Variants in SLCO1B3 observed in about 807,000 individuals in gnomAD.
SLCO1B3 encodes the protein liver-specific organic anion transporter 2.
SLCO1B3 carries 72 observed loss-of-function variants against 71.8 expected under a neutral mutation model. The observed-to-expected ratio is 1.00, with a 90% CI of 0.83 to 1.22. SLCO1B3 has a LOEUF of 1.22. Ranked by LOEUF, SLCO1B3 falls within the 50% of genes most tolerant of loss-of-function variation. The pLI is 0.00. For synonymous variants in SLCO1B3, 298 were observed against 278.4 expected, an observed-to-expected ratio of 1.07 and a Z score of -0.70; for missense variants, 911 against 819.7, an observed-to-expected ratio of 1.11 and a Z score of -1.36.
chr12:20,913,578 G>C (rs1364805044), intron 15 of SLCO1B3, among the ~76,000 whole-genome samples: 1 of 152,044 alleles, frequency 6.6e-6, no homozygotes, highest in African/African-American at 2.4e-5. Context: ...TTGCTTTGAA[G>C]TCTGCTCTGT....
chr12:20,874,149 A>G (rs1309820008), intron 8 of SLCO1B3, among the ~76,000 whole-genome samples: 3 of 152,114 alleles, frequency 2.0e-5, no homozygotes, highest in Admixed American at 2.0e-4. Flanking sequence ...ATCAAATGGC[A>G]TTTCTGGTTC....
Position 20,862,459 on chromosome 12 carries a change from G to C in SLCO1B3, c.529G>C (p.Gly177Arg). The stretch of plus-strand genomic sequence containing the variant: ...ACACATGTGGATCTATGTCTTCATG[G>C]GGAATATGCTTCGTGGCATAGGGGA... The part of the protein sequence containing the change: ...GSHMWIYVFM[G>R]NMLRGIGETP... The change falls in exon 7 of 16, where the codon GGG (glycine) becomes CGG (arginine). Residue 177 changes from glycine (G) to arginine (R), a missense_variant. By Grantham distance (125) the Gly-to-Arg change is moderately radical. Coordinates refer to ENST00000381545, the MANE Select transcript of SLCO1B3 (RefSeq NM_019844.4). The C allele has an allele frequency of 6.2e-7, 1 of 1,613,096 alleles. No individual in the cohort carries two copies. Among genetic ancestry groups the C allele is most frequent in the Non-Finnish European group, 8.5e-7 (1 of 1,179,370 alleles).
At chr12:20,885,153 C>G (rs1865769334) in intron 13 of SLCO1B3, among the ~76,000 whole-genome samples, 1 of 152,154 alleles carries the variant, frequency 6.6e-6, no homozygotes, top group Non-Finnish European at 1.5e-5. Flanking sequence ...AACATTACCA[C>G]TTATCAGAGC....
chr12:20,832,214 C>T (rs140938918), intron 3 of SLCO1B3, among the ~76,000 whole-genome samples: 6 of 152,256 alleles, frequency 3.9e-5, no homozygotes, highest in Non-Finnish European at 7.4e-5. Context: ...CGTGCATGTG[C>T]GCACACTAAT....
chr12:20,847,265 G>C (rs1864938006), intron 3 of SLCO1B3, among the ~76,000 whole-genome samples: 1 of 152,076 alleles, frequency 6.6e-6, no homozygotes, highest in African/African-American at 2.4e-5. Context: ...AAGAGTTATG[G>C]ACTGAATATT....
Position 20,875,317 on chromosome 12 carries a change from T to G in SLCO1B3, c.810T>G (p.Ile270Met). 6.2e-7 allele frequency: 1 copy of G among 1,613,598 alleles called. No individual in the cohort carries two copies. ...TCCTTGTGTCTGGACTATTTTCCAT[T>G]ATTTCTTCCATACCATTTTTTTTCT... is the stretch of plus-strand genomic sequence containing the variant. The part of the protein sequence containing the change: ...LGFLVSGLFS[I>M]ISSIPFFFLP... The change falls in exon 9 of 16, where the codon ATT becomes ATG. Residue 270 changes from isoleucine to methionine, a missense_variant. Transcript: ENST00000381545.
chr12:20,915,222 T>C (rs1405799800), intron 15 of SLCO1B3, among the ~76,000 whole-genome samples: 1 of 152,140 alleles, frequency 6.6e-6, no homozygotes, highest in East Asian at 1.9e-4. Context: ...TTTATTGATA[T>C]AAACTTAGAG....
At chr12:20,870,807 T>A (rs1865460631) in intron 8 of SLCO1B3, among the ~76,000 whole-genome samples, 1 of 152,210 alleles carries the variant, frequency 6.6e-6, no homozygotes, top group Non-Finnish European at 1.5e-5. Context: ...TGAGGTCATT[T>A]GTTGGTTTCA....
chr12:20,888,015 T>C (rs1161703907), intron 13 of SLCO1B3, among the ~76,000 whole-genome samples: 1 of 152,094 alleles, frequency 6.6e-6, no homozygotes, highest in Non-Finnish European at 1.5e-5. Flanking sequence ...TTTGTTACTT[T>C]GTCAAAAATC....
Position 20,858,569 on chromosome 12 carries a change from A to G in SLCO1B3, c.357A>G (p.Gly119=). 6.2e-7 allele frequency: 1 copy of G among 1,606,264 alleles called. No individual in the cohort carries two copies. Among genetic ancestry groups the G allele is most frequent in the Non-Finnish European group, 8.5e-7 (1 of 1,173,542 alleles). The stretch of plus-strand genomic sequence containing the variant: ...CATCTTTACCACATTTCTTCATGGG[A>G]TAGTAAGTGTTAAACAGCTCTGAGC... The part of the protein sequence containing the change: ...ILTSLPHFFM[G]YYRYSKETHI... The change falls in exon 5 of 16, where the codon GGA becomes GGG. Residue 119 remains glycine (G), a splice_region_variant and synonymous_variant. Transcript: ENST00000381545.
At position 20,861,099 on chromosome 12, in the gene SLCO1B3, T is replaced by G; in HGVS notation, c.442T>G (p.Leu148Val). Residue 148 changes from leucine to valine, a missense_variant, in exon 6 of 16, where the codon TTA becomes GTA. Physicochemically the swap from Leu to Val is conservative, Grantham distance 32. Transcript: ENST00000381545. ...SLSTCLINQT[L>V]SFNGTSPEIV... Reference sequence around the variant, plus strand: ...ATCAACCTGTTTAATTAATCAAACCTTATCATTCAATGGAACATCACCTGA... The same window carrying G: ...ATCAACCTGTTTAATTAATCAAACCGTATCATTCAATGGAACATCACCTGA... 6.2e-7 allele frequency: 1 copy of G among 1,601,536 alleles called. No individual in the cohort carries two copies. Among genetic ancestry groups the G allele is most frequent in the Non-Finnish European group, 8.5e-7 (1 of 1,173,676 alleles).
intron 8 of SLCO1B3, among the ~76,000 whole-genome samples, chr12:20,864,497 A>G (rs1044253175): frequency 6.6e-6 from 1 of 152,222 alleles, no homozygotes; most frequent in South Asian, 2.1e-4. Flanking sequence ...AGTGTTTTCT[A>G]TTATAAAACT....
At position 20,820,423 on chromosome 12, in the gene SLCO1B3, C is replaced by T. The variant is rs370929281; in HGVS notation, c.84+4601C>T. Among the ~76,000 whole-genome samples, 169 of 152,198 alleles carry T rather than the reference C, an allele frequency of 1.1e-3. 4 individuals carry two copies. In the South Asian group the frequency reaches 0.033, roughly 30 times the overall value. On this transcript the variant is annotated intron_variant, in intron 3 of 15. Transcript: ENST00000381545. ...ACGGCTTAGGAGGAATCCTGGGCTG[C>T]GGGCATTACTTGGCCTGGTGGTCAG... is the stretch of plus-strand genomic sequence containing the variant.
Position 20,861,001 on chromosome 12 carries a change from C to T in SLCO1B3, c.360-16C>T. On this transcript the variant is annotated splice_polypyrimidine_tract_variant and intron_variant, in intron 5 of 15. Transcript: ENST00000381545. Reference sequence around the variant, plus strand: ...AGTAGATAAGCAAAATGTTCAATTTCATGTTGCTCTTACAGTTATAGGTAT... The same window carrying T: ...AGTAGATAAGCAAAATGTTCAATTTTATGTTGCTCTTACAGTTATAGGTAT... 6.5e-7 allele frequency: 1 copy of T among 1,546,692 alleles called. No homozygotes were observed. The highest frequency in any genetic ancestry group is 8.7e-7 in the Non-Finnish European group (1 of 1,143,142).
At chr12:20,880,725 T>G in intron 11 of SLCO1B3, 130 bp from the exon 12 acceptor site, 1 of 564,198 alleles carries the variant, frequency 1.8e-6, no homozygotes, top group Non-Finnish European at 2.8e-6. Context: ...TTTCTCTTAT[T>G]TCTCTTCTCT....
chr12:20,848,684 A>G (rs1171848900), intron 3 of SLCO1B3, among the ~76,000 whole-genome samples: 6 of 152,172 alleles, frequency 3.9e-5, no homozygotes, highest in Admixed American at 2.0e-4. Flanking sequence ...AGTCATAAAA[A>G]TACATGGAAA....
In SLCO1B3 at chr12:20,872,740, A is replaced by T. The variant is rs2121285293; in HGVS notation, c.728-2495A>T. ...TGCCTAGAAATGTTGTCCATGAGTT[A>T]GGGCCTCAAAACTCTGCCTGGTGCC... is the stretch of plus-strand genomic sequence containing the variant. On this transcript the variant is annotated intron_variant, in intron 8 of 15. Coordinates refer to ENST00000381545, the MANE Select transcript of SLCO1B3 (RefSeq NM_019844.4). 1.3e-5 allele frequency among the ~76,000 whole-genome samples: 2 copies of T among 152,220 alleles called. 1 individual carries two copies. Among genetic ancestry groups the T allele is most frequent in the South Asian group, 4.1e-4 (2 of 4,828 alleles).
chr12:20,903,093 T>G (rs1367069487), intron 15 of SLCO1B3, among the ~76,000 whole-genome samples: 3 of 122,248 alleles, frequency 2.5e-5, no homozygotes, highest in African/African-American at 5.6e-5. Flanking sequence ...AAAAAATCAA[T>G]GCAAACATCA....
At chr12:20,890,837 C>T (rs1480599593) in intron 13 of SLCO1B3, among the ~76,000 whole-genome samples, 1 of 152,024 alleles carries the variant, frequency 6.6e-6, no homozygotes, top group Non-Finnish European at 1.5e-5. Context: ...TACTACTGCT[C>T]TGATTTGGTT....
Sources: gnomAD v4.1 joint callset for allele counts (sites outside exome capture counted in the v4.1 genomes callset) on GRCh38, gnomAD v4.1.1 for gene constraint, MANE v1.5 for transcripts, NCBI Gene and HGNC (gene_info 2026-07-23, HGNC 2026-07-21) for gene names.